The following CACNA1E variants were observed in gnomAD, a reference collection of about 807,000 sequenced individuals.
The protein encoded by CACNA1E is calcium voltage-gated channel subunit alpha1 E.
In CACNA1E, 40 loss-of-function variants were observed where a neutral mutation model predicts 259.2. The ratio of observed to expected loss-of-function variants is 0.15; its 90% CI spans 0.12 to 0.20. The LOEUF is 0.20. Among genes scored for constraint, CACNA1E ranks in the 10% least tolerant of loss-of-function variants. The pLI is 1.00. For missense variants in CACNA1E, 1,874 were observed against 3,040.1 expected (o/e 0.62, Z 9.02); for synonymous variants, 1,104 against 1,138.5 (o/e 0.97, Z 0.61).
chr1:181,794,230 G>C (rs1661585046), intron 45 of CACNA1E, among the ~76,000 whole-genome samples: 1 of 152,152 alleles, frequency 6.6e-6, no homozygotes, highest in Non-Finnish European at 1.5e-5. Context: ...TCTTTTTCCT[G>C]TCTGTCGGTC....
chr1:181,775,378 T>C (rs141903399), intron 37 of CACNA1E, among the ~76,000 whole-genome samples: 23 of 152,296 alleles, frequency 1.5e-4, no homozygotes, highest in African/African-American at 5.1e-4. Context: ...CTTTGTTAAC[T>C]CTCTACTCTG....
intron 1 of CACNA1E, among the ~76,000 whole-genome samples, chr1:181,487,215 A>G (rs989946680): frequency 6.6e-6 from 1 of 152,166 alleles, no homozygotes; most frequent in African/African-American, 2.4e-5. Flanking sequence ...GTACACTTCT[A>G]TGTGCCGCAT....
At chr1:181,620,154 T>G (rs1655597681) in intron 6 of CACNA1E, among the ~76,000 whole-genome samples, 1 of 152,192 alleles carries the variant, frequency 6.6e-6, no homozygotes, top group Non-Finnish European at 1.5e-5. Flanking sequence ...GTCAACTGAT[T>G]AGCTTCAGGG....
At chr1:181,455,837 C>T (rs1165581404) in intron 2 of CACNA1E, among the ~76,000 whole-genome samples, 1 of 152,176 alleles carries the variant, frequency 6.6e-6, no homozygotes, top group East Asian at 1.9e-4. Context: ...GAATGTGTCC[C>T]TAGCTCTGTG....
intron 43 of CACNA1E, 132 bp from the exon 44 acceptor site, chr1:181,790,313 C>A (rs1661187039): frequency 3.7e-4 from 137 of 369,702 alleles, no homozygotes; most frequent in Middle Eastern, 5.7e-4. Context: ...TTTTTAATTT[C>A]AGGACTAGCC....
At chr1:181,628,882 A>C (rs1656443456) in intron 6 of CACNA1E, among the ~76,000 whole-genome samples, 1 of 152,176 alleles carries the variant, frequency 6.6e-6, no homozygotes, top group African/African-American at 2.4e-5. Flanking sequence ...TTTGGATTTT[A>C]GTGCTTCTTT....
chr1:181,710,680 T>C (rs550720100), intron 7 of CACNA1E, among the ~76,000 whole-genome samples: 1 of 152,352 alleles, frequency 6.6e-6, no homozygotes, highest in African/African-American at 2.4e-5. Context: ...GTTTCTCACA[T>C]GGCTAAGAAC....
At chr1:181,594,554 A>G (rs1437489079) in intron 6 of CACNA1E, among the ~76,000 whole-genome samples, 2 of 152,194 alleles carry the variant, frequency 1.3e-5, no homozygotes, top group Non-Finnish European at 2.9e-5. Context: ...CCCTGCTACC[A>G]TGCCAGACTA....
At chr1:181,740,150 C>A (rs992305716) in intron 25 of CACNA1E, among the ~76,000 whole-genome samples, 3 of 152,204 alleles carry the variant, frequency 2.0e-5, no homozygotes, top group Admixed American at 1.3e-4. Flanking sequence ...TCAGAGCCAT[C>A]CCTCAAGTCT....
intron 2 of CACNA1E, among the ~76,000 whole-genome samples, chr1:181,430,553 A>G (rs1021798395): frequency 2.0e-5 from 3 of 152,158 alleles, no homozygotes; most frequent in Non-Finnish European, 4.4e-5. Context: ...CACTGTGTAC[A>G]TGCCCGAAAA....
At chr1:181,615,343 C>T (rs1655112476) in intron 6 of CACNA1E, among the ~76,000 whole-genome samples, 1 of 152,122 alleles carries the variant, frequency 6.6e-6, no homozygotes, top group Non-Finnish European at 1.5e-5. Context: ...GCACCTGCCA[C>T]CACGCCTGGC....
chr1:181,389,783 G>T (rs1367215148), intron 1 of CACNA1E, among the ~76,000 whole-genome samples: 1 of 152,146 alleles, frequency 6.6e-6, no homozygotes, highest in Non-Finnish European at 1.5e-5. Context: ...TTTGTTACTG[G>T]GGCTGCTGAG....
At chr1:181,572,945 A>G (rs966608205) in intron 3 of CACNA1E, among the ~76,000 whole-genome samples, 1 of 152,156 alleles carries the variant, frequency 6.6e-6, no homozygotes, top group Non-Finnish European at 1.5e-5. Context: ...ATGAAAACTA[A>G]AAAATCTTGA....
intron 1 of CACNA1E, among the ~76,000 whole-genome samples, chr1:181,349,808 C>G (rs1652896442): frequency 6.6e-6 from 1 of 151,876 alleles, no homozygotes; most frequent in East Asian, 1.9e-4. Flanking sequence ...TGTGGACAAG[C>G]CTCCAAGAAA....
At chr1:181,538,496 A>G (rs886571556) in intron 3 of CACNA1E, among the ~76,000 whole-genome samples, 3 of 152,224 alleles carry the variant, frequency 2.0e-5, no homozygotes, top group African/African-American at 4.8e-5. Context: ...TTCATGTGTT[A>G]TACGTAAATG....
chr1:181,731,620 G>A (rs1655486654), intron 19 of CACNA1E, among the ~76,000 whole-genome samples: 1 of 152,126 alleles, frequency 6.6e-6, no homozygotes, highest in Non-Finnish European at 1.5e-5. Context: ...ACAGGCACAG[G>A]CTCAGGGAGG....
chr1:181,578,242 A>T (rs1651171444), intron 4 of CACNA1E, among the ~76,000 whole-genome samples: 1 of 152,160 alleles, frequency 6.6e-6, no homozygotes, highest in African/African-American at 2.4e-5. Context: ...TGAAATAAGT[A>T]TTTTATTTTC....
upstream of CACNA1E, among the ~76,000 whole-genome samples, chr1:181,479,823 C>T (rs1324106668): frequency 6.6e-6 from 1 of 152,178 alleles, no homozygotes; most frequent in Non-Finnish European, 1.5e-5. Context: ...CACACTCTGC[C>T]GCTTATCAGA....
chr1:181,531,309 C>T (rs1242409950), intron 3 of CACNA1E, among the ~76,000 whole-genome samples: 2 of 152,186 alleles, frequency 1.3e-5, no homozygotes, highest in African/African-American at 4.8e-5. Context: ...AGGGGGATAG[C>T]CCCCTTCCTC....
Sources: gnomAD v4.1 joint callset for allele counts (sites outside exome capture counted in the v4.1 genomes callset) on GRCh38, gnomAD v4.1.1 for gene constraint, MANE v1.5 for transcripts, NCBI Gene and HGNC (gene_info 2026-07-23, HGNC 2026-07-21) for gene names.